The following TSNARE1 variants were observed in gnomAD, a reference collection of about 807,000 sequenced individuals.
The protein encoded by TSNARE1 is t-SNARE domain-containing protein 1.
In TSNARE1, 49 loss-of-function variants were observed where a neutral mutation model predicts 62.0. The observed-to-expected ratio is 0.79, with a 90% CI of 0.63 to 1.00. TSNARE1 has a LOEUF of 1.00. Among genes scored for constraint, TSNARE1 ranks in the 50% least tolerant of loss-of-function variants. TSNARE1 has a pLI of 0.00. For synonymous variants in TSNARE1, 328 were observed against 294.4 expected (o/e 1.11, Z -1.17); for missense variants, 755 against 700.1 (o/e 1.08, Z -0.88).
intron 12 of TSNARE1, among the ~76,000 whole-genome samples, chr8:142,258,420 G>A (rs1818696646): frequency 1.3e-5 from 2 of 151,074 alleles, no homozygotes; most frequent in African/African-American, 4.9e-5. Flanking sequence ...TCTTCTCTTC[G>A]CCCCCTGGGC....
At chr8:142,311,621 T>C (rs1031072227) in intron 9 of TSNARE1, among the ~76,000 whole-genome samples, 3 of 152,144 alleles carry the variant, frequency 2.0e-5, no homozygotes, top group African/African-American at 7.2e-5. Flanking sequence ...AAGGAGAAAT[T>C]TATCTATTCA....
In TSNARE1 at chr8:142,365,027, T is replaced by C. The variant is rs540138884; in HGVS notation, c.-39-10264A>G. 4.6e-5 allele frequency among the ~76,000 whole-genome samples: 7 copies of C among 152,358 alleles called. No homozygotes were observed. In the East Asian group the frequency reaches 1.2e-3, roughly 25 times the overall value. On this transcript the variant is annotated intron_variant, in intron 1 of 13. Transcript: ENST00000524325. ...GATATTTACATAATTGCAAAGGATC[T>C]TCCCTGAGATACTTATAAATTAAAA...
intron 1 of TSNARE1, among the ~76,000 whole-genome samples, chr8:142,360,844 T>C (rs1181404004): frequency 2.6e-5 from 4 of 152,202 alleles, no homozygotes; most frequent in Non-Finnish European, 5.9e-5. Flanking sequence ...GCTCCAGCTC[T>C]GGGGCTCAGT....
chr8:142,378,613 G>C (rs908244858), intron 1 of TSNARE1, among the ~76,000 whole-genome samples: 2 of 152,216 alleles, frequency 1.3e-5, no homozygotes, highest in Non-Finnish European at 2.9e-5. Flanking sequence ...AGGGTAAGAA[G>C]CCAGTCCCAA....
chr8:142,286,855 G>C (rs1398225027), intron 10 of TSNARE1, among the ~76,000 whole-genome samples: 1 of 152,202 alleles, frequency 6.6e-6, no homozygotes, highest in Non-Finnish European at 1.5e-5. Context: ...CCTGAGCCTG[G>C]TCTTGGTGGC....
chr8:142,245,763 G>A lies in TSNARE1; in HGVS notation c.1447-16184C>T, dbSNP rs1369740756. On this transcript the variant is annotated intron_variant, in intron 12 of 13. Transcript: ENST00000524325. The stretch of plus-strand genomic sequence containing the variant: ...AGGTTGGGGTGAGGGCAGAGGGTGC[G>A]ATGAGGCAGGGCTGCTCCCAGGAGC... Among the ~76,000 whole-genome samples, 6 of 152,296 alleles carry A rather than the reference G, an allele frequency of 3.9e-5. No individual in the cohort carries two copies. In the East Asian group the frequency reaches 5.8e-4, roughly 15 times the overall value.
chr8:142,300,919 G>A (rs1349038272), intron 9 of TSNARE1, among the ~76,000 whole-genome samples: 1 of 152,198 alleles, frequency 6.6e-6, no homozygotes, highest in Non-Finnish European at 1.5e-5. Flanking sequence ...TGGGGGTGTA[G>A]GGGCCCGGGA....
At chr8:142,278,375 G>A (rs1820846279) in intron 11 of TSNARE1, 5 of 985,468 alleles carry the variant, frequency 5.1e-6, no homozygotes, top group South Asian at 9.4e-5. Flanking sequence ...TGCCTGTCCT[G>A]TGAGGCTGGG....
chr8:142,369,064 A>C (rs530856560), intron 1 of TSNARE1, among the ~76,000 whole-genome samples: 1 of 152,330 alleles, frequency 6.6e-6, no homozygotes, highest in East Asian at 1.9e-4. Flanking sequence ...CTGAGGCTGC[A>C]ATGAGACAAC....
At chr8:142,405,093 C>T (rs1171591351), upstream of TSNARE1, 1 of 152,408 alleles carries the variant, frequency 6.6e-6, no homozygotes. Flanking sequence ...GCCTGAGTGC[C>T]CCACAGCAAG....
intron 1 of TSNARE1, among the ~76,000 whole-genome samples, chr8:142,398,065 C>T (rs1398151306): frequency 6.6e-6 from 1 of 152,164 alleles, no homozygotes; most frequent in East Asian, 1.9e-4. Flanking sequence ...TACTAGGAGT[C>T]CAGCACTGCT....
chr8:142,385,042 T>G (rs1184650975), intron 1 of TSNARE1, among the ~76,000 whole-genome samples: 3 of 150,324 alleles, frequency 2.0e-5, no homozygotes, highest in Non-Finnish European at 4.4e-5. Context: ...AAAAGCGAAT[T>G]AAATGAGGTG....
At chr8:142,332,547 T>A (rs1831207245) in intron 4 of TSNARE1, among the ~76,000 whole-genome samples, 1 of 152,162 alleles carries the variant, frequency 6.6e-6, no homozygotes. Context: ...AGATGGTGAA[T>A]TCTGAGTGAC....
chr8:142,394,325 AC>A (rs1837748924), intron 1 of TSNARE1, among the ~76,000 whole-genome samples: 2 of 152,144 alleles, frequency 1.3e-5, no homozygotes, highest in African/African-American at 4.8e-5. Context: ...GGGCGGGTGG[AC>A]CGGACAGCTC....
intron 7 of TSNARE1, among the ~76,000 whole-genome samples, chr8:142,315,942 GA>G: frequency 6.6e-6 from 1 of 152,312 alleles, no homozygotes; most frequent in Non-Finnish European, 1.5e-5. Context: ...GGTAGGCACT[GA>G]CCGTGCACCC....
Position 142,282,600 on chromosome 8 carries a change from G to T in TSNARE1, c.1363+1813C>A, listed in dbSNP as rs1381783301. Among the ~76,000 whole-genome samples the T allele has an allele frequency of 3.1e-5, 4 of 129,188 alleles. No homozygotes were observed. In the South Asian group the frequency reaches 9.7e-4, roughly 31 times the overall value. 84.8% of individuals were successfully genotyped at this position (129,188 alleles called of 152,430 possible). A position where few individuals can be genotyped will look rare whatever the true frequency, so the allele number is the denominator to read the frequency against. ...GGAGGTGGGGCCAGTGTCTATCAAT[G>T]AGCAGAGGGGAGGCCACTGTCTGTC... On this transcript the variant is annotated intron_variant, in intron 11 of 13. Transcript: ENST00000524325.
At chr8:142,288,714 C>T (rs574376763) in intron 10 of TSNARE1, among the ~76,000 whole-genome samples, 3 of 152,380 alleles carry the variant, frequency 2.0e-5, no homozygotes, top group African/African-American at 7.2e-5. Flanking sequence ...GGGGCTGCTG[C>T]CGGGGCTCCC....
chr8:142,365,967 T>C (rs897967855), intron 1 of TSNARE1: 17 of 443,312 alleles, frequency 3.8e-5, no homozygotes, highest in Non-Finnish European at 6.7e-5. Flanking sequence ...GATGGTTTTG[T>C]AGAGGAATTT....
At position 142,319,836 on chromosome 8, in the gene TSNARE1, A is replaced by G. The variant is rs1829201384; in HGVS notation, c.894-1202T>C. On this transcript the variant is annotated intron_variant, in intron 6 of 13. Coordinates refer to ENST00000524325, the MANE Select transcript of TSNARE1 (RefSeq NM_145003.5). This position sits in a 1 kb window ranked among gnomAD's most constrained non-coding sequence, Gnocchi z 4.9. Reference sequence around the variant, plus strand: ...AGCAGGCTAGAGAGGGTGTGGGCCAAGGAGGGCAAGGAGCCATAAGGTTAC... The same window carrying G: ...AGCAGGCTAGAGAGGGTGTGGGCCAGGGAGGGCAAGGAGCCATAAGGTTAC... Among the ~76,000 whole-genome samples the G allele has an allele frequency of 6.6e-6, 1 of 152,158 alleles. No individual in the cohort carries two copies. Among genetic ancestry groups the G allele is most frequent in the African/African-American group, 2.4e-5 (1 of 41,452 alleles).
Sources: gnomAD v4.1 joint callset for allele counts (sites outside exome capture counted in the v4.1 genomes callset) on GRCh38, gnomAD v4.1.1 for gene constraint, Gnocchi (gnomAD v3.1) non-coding constraint, MANE v1.5 for transcripts, NCBI Gene and HGNC (gene_info 2026-07-23, HGNC 2026-07-21) for gene names.